Variants in FGF1 observed in about 807,000 individuals in gnomAD.
The protein encoded by FGF1 is beta-endothelial cell growth factor.
In FGF1, 9 loss-of-function variants were observed where a neutral mutation model predicts 13.4. The ratio of observed to expected loss-of-function variants is 0.67; its 90% CI spans 0.40 to 1.17. The LOEUF is 1.17. Ranked by LOEUF, FGF1 falls within the 50% of genes most tolerant of loss-of-function variation. The probability of loss-of-function intolerance (pLI) is 0.01; values close to 1 mark genes in which losing one functional copy is unlikely to be tolerated. For synonymous variants in FGF1, 93 were observed against 79.0 expected, an observed-to-expected ratio of 1.18 and a Z score of -0.94; for missense variants, 156 against 192.7, an observed-to-expected ratio of 0.81 and a Z score of 1.13.
chr5:142,595,403 C>T lies in FGF1; in HGVS notation c.355G>A (p.Glu119Lys), dbSNP rs1305923663. The change falls in exon 4 of 4, where the codon GAG becomes AAG. Residue 119 changes from glutamate (E) to lysine (K), a missense_variant. Physicochemically the swap from Glu to Lys is moderately conservative, Grantham distance 56 (BLOSUM62 1). Coordinates refer to ENST00000337706, the MANE Select transcript of FGF1 (RefSeq NM_000800.5). ...TTGAGGCCAACAAACCAATTCTTCT[C>T]TGCATGCTTCTTGGATATATAGGTG... ...YNTYISKKHAEKNWFVGLKKN... is the reference protein window; with the variant it reads ...YNTYISKKHAKKNWFVGLKKN... 9.3e-6 allele frequency: 15 copies of T among 1,614,098 alleles called. No individual in the cohort carries two copies. Among genetic ancestry groups the T allele is most frequent in the Non-Finnish European group, 1.3e-5 (15 of 1,179,958 alleles).
intron 1 of FGF1, among the ~76,000 whole-genome samples, chr5:142,619,554 T>C (rs1354174549): frequency 1.3e-5 from 2 of 152,054 alleles, no homozygotes; most frequent in African/African-American, 2.4e-5. Flanking sequence ...AGAAAAGAAA[T>C]AGAATGTATT....
At chr5:142,678,481 A>C (rs552029766) in intron 1 of FGF1, among the ~76,000 whole-genome samples, 1 of 151,984 alleles carries the variant, frequency 6.6e-6, no homozygotes, top group African/African-American at 2.4e-5. Context: ...CGCAGCACCC[A>C]CCTTGCTGCT....
At chr5:142,619,900 A>T (rs1761172845) in intron 1 of FGF1, among the ~76,000 whole-genome samples, 1 of 152,110 alleles carries the variant, frequency 6.6e-6, no homozygotes, top group African/African-American at 2.4e-5. Context: ...AGAAAAAGAA[A>T]AAAAGAAAAT....
intron 1 of FGF1, among the ~76,000 whole-genome samples, chr5:142,674,782 C>T (rs185610513): frequency 2.6e-5 from 4 of 152,268 alleles, no homozygotes; most frequent in African/African-American, 7.2e-5. Flanking sequence ...TAGAGCAAGA[C>T]GTGGTTAGAG....
At chr5:142,695,714 C>T (rs1597499104) in intron 2 of FGF1, among the ~76,000 whole-genome samples, 1 of 151,966 alleles carries the variant, frequency 6.6e-6, no homozygotes, top group East Asian at 1.9e-4. Flanking sequence ...TAATCAAGCA[C>T]CTAGTATCTA....
chr5:142,634,029 C>CAAAAA (rs35294166), intron 1 of FGF1, among the ~76,000 whole-genome samples: 1 of 144,072 alleles, frequency 6.9e-6, no homozygotes. Context: ...CTAAAAATAC[C>CAAAAA]AAAAAAAAAA....
chr5:142,624,194 A>G (rs1762102166), intron 1 of FGF1, among the ~76,000 whole-genome samples: 1 of 152,168 alleles, frequency 6.6e-6, no homozygotes, highest in African/African-American at 2.4e-5. Context: ...GGCTGGGATT[A>G]CAGGCGTGAG....
intron 2 of FGF1, among the ~76,000 whole-genome samples, chr5:142,608,320 G>A (rs541829300): frequency 3.3e-5 from 5 of 151,968 alleles, no homozygotes; most frequent in Admixed American, 6.6e-5. Flanking sequence ...GAGACTTCCC[G>A]TCCTTTGCCG....
chr5:142,624,150 C>T (rs556312836), intron 1 of FGF1, among the ~76,000 whole-genome samples: 12 of 152,112 alleles, frequency 7.9e-5, no homozygotes, highest in African/African-American at 2.7e-4. Flanking sequence ...GAACTCTGGA[C>T]CTCAGGTGAT....
upstream of FGF1, among the ~76,000 whole-genome samples, chr5:142,690,757 C>T (rs187898008): frequency 4.5e-3 from 678 of 152,306 alleles, 2 homozygotes; most frequent in Non-Finnish European, 6.1e-3. Context: ...TTTGTTCAGA[C>T]CTGTCCAGGG....
chr5:142,622,390 G>A (rs1038461793), intron 1 of FGF1, among the ~76,000 whole-genome samples: 2 of 152,168 alleles, frequency 1.3e-5, no homozygotes, highest in Admixed American at 1.3e-4. Flanking sequence ...TACCTAATTA[G>A]CAGGTGATGT....
intron 1 of FGF1, among the ~76,000 whole-genome samples, chr5:142,670,178 C>T (rs898959167): frequency 2.0e-5 from 3 of 152,138 alleles, no homozygotes; most frequent in East Asian, 1.9e-4. Flanking sequence ...TTCCTACTTC[C>T]CAGCTAGGAA....
chr5:142,618,920 A>ATTTTTTT (rs1561571080), intron 1 of FGF1, among the ~76,000 whole-genome samples: 1 of 97,056 alleles, frequency 1.0e-5, no homozygotes, highest in African/African-American at 4.1e-5. Context: ...TTTATTTTTT[A>ATTTTTTT]GTTGTTTTGT....
intron 1 of FGF1, among the ~76,000 whole-genome samples, chr5:142,639,606 A>G (rs1041877637): frequency 6.6e-6 from 1 of 151,962 alleles, no homozygotes; most frequent in African/African-American, 2.4e-5. Context: ...AAAGGGTACA[A>G]GGTTTCAGTT....
upstream of FGF1, among the ~76,000 whole-genome samples, chr5:142,689,274 A>C (rs753239333): frequency 1.4e-3 from 214 of 152,300 alleles, 3 homozygotes; most frequent in Non-Finnish European, 3.4e-4. Flanking sequence ...GAGAAATTGG[A>C]TGCTGCATGC....
intron 2 of FGF1, among the ~76,000 whole-genome samples, chr5:142,693,452 C>T (rs570767583): frequency 5.9e-5 from 9 of 151,910 alleles, no homozygotes; most frequent in South Asian, 2.1e-4. Context: ...CCACCACACC[C>T]GGCTAATTTT....
In FGF1 at chr5:142,594,318, G is replaced by T. The variant is rs1267744637; in HGVS notation, c.*972C>A. On this transcript the variant is annotated 3_prime_UTR_variant, in exon 4 of 4. Transcript: ENST00000337706. ...GAATCAGAATCTCCATTCAAACCAG[G>T]TCCCCAGATGATCTGCAAGCACTTC... 6.6e-6 allele frequency: 1 copy of T among 152,182 alleles called. No homozygotes were observed. The highest frequency in any genetic ancestry group is 2.4e-5 in the African/African-American group (1 of 41,426). 9.4% of individuals were successfully genotyped at this position (152,182 alleles called of 1,614,324 possible). A position where few individuals can be genotyped will look rare whatever the true frequency, so the allele number is the denominator to read the frequency against.
At chr5:142,694,815 G>A (rs1752848277) in intron 2 of FGF1, among the ~76,000 whole-genome samples, 1 of 152,076 alleles carries the variant, frequency 6.6e-6, no homozygotes. Context: ...ACCTCTTTTT[G>A]TGAAATCCCT....
intron 1 of FGF1, among the ~76,000 whole-genome samples, chr5:142,669,558 G>C (rs1192301439): frequency 2.0e-5 from 3 of 152,200 alleles, no homozygotes. Flanking sequence ...AGGTGACTCG[G>C]GCATAGAGGG....
Sources: allele counts gnomAD v4.1 joint callset (sites outside exome capture counted in the v4.1 genomes callset), GRCh38; gene constraint gnomAD v4.1.1; transcripts MANE v1.5; gene names NCBI Gene and HGNC (gene_info 2026-07-23, HGNC 2026-07-21).